ARHGAP21: variants seen among roughly 807,000 people sequenced by gnomAD.
The protein encoded by ARHGAP21 is Rho GTPase activating protein 21, also known as rho GTPase-activating protein 21.
In ARHGAP21, 38 loss-of-function variants were observed where a neutral mutation model predicts 164.6. The observed-to-expected ratio is 0.23, with a 90% CI of 0.18 to 0.30. The LOEUF is 0.30. ARHGAP21 is among the 10% of genes least tolerant of loss of function. ARHGAP21 has a pLI of 1.00. For synonymous variants in ARHGAP21, 766 were observed against 857.9 expected (o/e 0.89, Z 1.87); for missense variants, 1,822 against 2,370.7 (o/e 0.77, Z 4.81).
At chr10:24,700,732 AG>A (rs1843596531) in intron 2 of ARHGAP21, among the ~76,000 whole-genome samples, 1 of 152,240 alleles carries the variant, frequency 6.6e-6, no homozygotes, top group African/African-American at 2.4e-5. Context: ...AATTTTTAAA[AG>A]GATGATACAA....
intron 4 of ARHGAP21, among the ~76,000 whole-genome samples, chr10:24,658,230 T>C (rs917327457): frequency 5.9e-5 from 9 of 152,152 alleles, no homozygotes; most frequent in African/African-American, 1.9e-4. Flanking sequence ...GTTGGTGGGA[T>C]TGTAAACTAG....
intron 7 of ARHGAP21, among the ~76,000 whole-genome samples, chr10:24,624,392 T>C (rs1217182734): frequency 7.6e-6 from 1 of 130,938 alleles, no homozygotes; most frequent in Non-Finnish European, 1.5e-5. Context: ...CAGGCTGGAG[T>C]GCAGTGGCGC....
At chr10:24,639,430 A>G (rs1340544540) in intron 4 of ARHGAP21, among the ~76,000 whole-genome samples, 2 of 152,192 alleles carry the variant, frequency 1.3e-5, no homozygotes, top group African/African-American at 4.8e-5. Context: ...GCATTTATAT[A>G]ATATCTAGTA....
chr10:24,601,050 G>T, intron 13 of ARHGAP21, 120 bp from the exon 14 acceptor site: 1 of 1,156,240 alleles, frequency 8.6e-7, no homozygotes, highest in Non-Finnish European at 1.2e-6. Context: ...GCAGGTGGCA[G>T]ATTTAGCTCA....
At chr10:24,612,108 G>A (rs1183756120) in intron 9 of ARHGAP21, among the ~76,000 whole-genome samples, 2 of 152,136 alleles carry the variant, frequency 1.3e-5, no homozygotes, top group Non-Finnish European at 2.9e-5. Context: ...TATGATTATA[G>A]TTGACAATAA....
At chr10:24,653,524 G>A (rs1356409457) in intron 4 of ARHGAP21, among the ~76,000 whole-genome samples, 1 of 151,694 alleles carries the variant, frequency 6.6e-6, no homozygotes, top group Non-Finnish European at 1.5e-5. Context: ...AGTGAGCTGA[G>A]ATCGCGCCAC....
intron 4 of ARHGAP21, among the ~76,000 whole-genome samples, chr10:24,654,608 C>T (rs1039658502): frequency 1.7e-4 from 26 of 152,162 alleles, no homozygotes; most frequent in Middle Eastern, 6.8e-3. Flanking sequence ...CACTGCTCAA[C>T]GAAATAAAAG....
chr10:24,615,646 A>C (rs1216007855), intron 9 of ARHGAP21, among the ~76,000 whole-genome samples: 4 of 152,256 alleles, frequency 2.6e-5, no homozygotes, highest in African/African-American at 9.6e-5. Context: ...AAAGTACTTA[A>C]CTTTCCTTAT....
chr10:24,613,657 G>A (rs2131078047), intron 9 of ARHGAP21, among the ~76,000 whole-genome samples: 2 of 152,302 alleles, frequency 1.3e-5, no homozygotes, highest in African/African-American at 4.8e-5. Context: ...TGGCAAGATG[G>A]CAGTCAGTGC....
chr10:24,596,022 T>A lies in ARHGAP21; in HGVS notation c.3499A>T (p.Ile1167Leu). 1 of 1,604,378 alleles carries A rather than the reference T, an allele frequency of 6.2e-7. No individual in the cohort carries two copies. Among genetic ancestry groups the A allele is most frequent in the Non-Finnish European group, 8.5e-7 (1 of 1,174,386 alleles). Reference sequence around the variant, plus strand: ...CTTTCTTCAACTAATTTGCAACATATGTCAACTATTAATGGAATATACTGC... The same window carrying A: ...CTTTCTTCAACTAATTTGCAACATAAGTCAACTATTAATGGAATATACTGC... ...TNRYIPLIVD[I>L]CCKLVEERGL... Residue 1167 changes from isoleucine to leucine, a missense_variant, in exon 18 of 26, where the codon ATA becomes TTA. Physicochemically the swap from Ile to Leu is conservative, Grantham distance 5 (BLOSUM62 2). Around this residue, in one of 5 missense-constraint regions of ARHGAP21, gnomAD observed 117 missense variants for 238.1 expected, o/e 0.49. Coordinates refer to ENST00000396432, the MANE Select transcript of ARHGAP21 (RefSeq NM_020824.4).
chr10:24,597,115 G>C (rs1592957849), intron 16 of ARHGAP21, among the ~76,000 whole-genome samples: 1 of 151,068 alleles, frequency 6.6e-6, no homozygotes, highest in Non-Finnish European at 1.5e-5. Context: ...CATAGAATCA[G>C]TGTGTCATCT....
intron 7 of ARHGAP21, among the ~76,000 whole-genome samples, chr10:24,626,800 A>G (rs1370890493): frequency 1.3e-5 from 2 of 152,232 alleles, no homozygotes; most frequent in Non-Finnish European, 2.9e-5. Flanking sequence ...CTAAGATACC[A>G]GAGTCTAAAA....
In ARHGAP21 at chr10:24,591,419, TAAGTA is replaced by T. The variant is rs377067015; in HGVS notation, c.4045-94_4045-90del. On this transcript the variant is annotated intron_variant, in intron 23 of 25. Coordinates refer to ENST00000396432, the MANE Select transcript of ARHGAP21 (RefSeq NM_020824.4). Reference sequence around the variant, plus strand: ...CAACATTTAGTAAAAGACACATTACTAAGTAAAGCACCTGTGCTTAATGTGTTTAC... The same window carrying T: ...CAACATTTAGTAAAAGACACATTACTAAGCACCTGTGCTTAATGTGTTTAC... 509 of 1,237,356 alleles carry T rather than the reference TAAGTA, an allele frequency of 4.1e-4. 5 individuals carry two copies. In the East Asian group the frequency reaches 6.9e-3, roughly 17 times the overall value. 76.6% of individuals were successfully genotyped at this position (1,237,356 alleles called of 1,614,324 possible).
At chr10:24,648,418 A>G (rs975621662) in intron 4 of ARHGAP21, among the ~76,000 whole-genome samples, 1 of 152,216 alleles carries the variant, frequency 6.6e-6, no homozygotes, top group African/African-American at 2.4e-5. Context: ...AGCAGCTATC[A>G]CTTTTTCCCT....
At position 24,648,728 on chromosome 10, in the gene ARHGAP21, G is replaced by A. The variant is rs188126238; in HGVS notation, c.269-13625C>T. The A allele has an allele frequency of 3.1e-3, 2,625 of 859,214 alleles. 8 individuals are homozygous for A. The highest frequency in any genetic ancestry group is 3.0e-3 in the Non-Finnish European group (2,147 of 717,528). 53.2% of individuals were successfully genotyped at this position (859,214 alleles called of 1,614,324 possible). ...CCAGAGGCGCAGGCTGCAGTGAGCC[G>A]AGATGGTGCCATCGCACTCCAGCCT... On this transcript the variant is annotated intron_variant, in intron 4 of 25. Transcript: ENST00000396432.
intron 10 of ARHGAP21, 69 bp downstream of exon 10, chr10:24,607,675 GT>G: frequency 6.2e-7 from 1 of 1,610,116 alleles, no homozygotes; most frequent in East Asian, 2.2e-5. Context: ...GGAAACATCA[GT>G]TTATCATACT....
At chr10:24,697,433 TTC>T (rs1276320627) in intron 2 of ARHGAP21, among the ~76,000 whole-genome samples, 1 of 152,150 alleles carries the variant, frequency 6.6e-6, no homozygotes, top group Non-Finnish European at 1.5e-5. Context: ...ATCCCATCTT[TTC>T]TTCTTCTCCA....
At chr10:24,654,993 A>G (rs1012528831) in intron 4 of ARHGAP21, among the ~76,000 whole-genome samples, 2 of 152,224 alleles carry the variant, frequency 1.3e-5, no homozygotes, top group African/African-American at 4.8e-5. Flanking sequence ...GATCTTTGAC[A>G]AACCTGACAA....
intron 12 of ARHGAP21, among the ~76,000 whole-genome samples, chr10:24,602,986 G>A (rs954636170): frequency 6.6e-6 from 1 of 152,160 alleles, no homozygotes; most frequent in Non-Finnish European, 1.5e-5. Context: ...AAGTCTGGGG[G>A]TAACTGCGGT....
Sources: gnomAD v4.1 joint callset for allele counts (sites outside exome capture counted in the v4.1 genomes callset) on GRCh38, gnomAD v4.1.1 for gene constraint, gnomAD v4.1.1 regional missense constraint, MANE v1.5 for transcripts, NCBI Gene and HGNC (gene_info 2026-07-23, HGNC 2026-07-21) for gene names.